The following PSPH variants were observed in gnomAD, a reference collection of about 807,000 sequenced individuals.
PSPH encodes the protein phosphoserine phosphatase, also known as L-3-phosphoserine phosphatase.
A neutral mutation model predicts 23.4 loss-of-function variants in PSPH; 16 were observed. The ratio of observed to expected loss-of-function variants is 0.68; its 90% CI spans 0.46 to 1.04. The LOEUF (loss-of-function observed/expected upper bound fraction) is 1.04. PSPH is among the 50% of genes least tolerant of loss of function. The probability of loss-of-function intolerance (pLI) is 0.00; values close to 1 mark genes in which losing one functional copy is unlikely to be tolerated. For missense variants in PSPH, 223 were observed against 273.7 expected, an observed-to-expected ratio of 0.81 and a Z score of 1.31; for synonymous variants, 68 against 99.7, an observed-to-expected ratio of 0.68 and a Z score of 1.89.
intron 7 of PSPH, among the ~76,000 whole-genome samples, chr7:56,012,216 G>A (rs1379760177): frequency 6.6e-6 from 1 of 151,658 alleles, no homozygotes; most frequent in Non-Finnish European, 1.5e-5. Context: ...TCTTGAGACA[G>A]AGTCTCACCC....
rs374776295 is a variant in PSPH at position 56,015,152 on chromosome 7, A to G, written c.441T>C (p.Asp147=). 2.5e-5 allele frequency: 40 copies of G among 1,613,948 alleles called. 1 individual carries two copies. In the East Asian group the frequency reaches 5.3e-4, roughly 22 times the overall value. Residue 147 remains aspartate, a synonymous_variant, in exon 7 of 8, where the codon GAT becomes GAC. Transcript: ENST00000275605. ...FYFNGEYAGF[D]ETQPTAESGG... ...CAGATTCAGCTGTTGGCTGCGTCTC[A>G]TCAAAACCTGCATATTCACCTTAAA...
At chr7:56,032,915 C>A (rs1400006604) in intron 2 of PSPH, among the ~76,000 whole-genome samples, 3 of 150,086 alleles carry the variant, frequency 2.0e-5, no homozygotes. Context: ...CCGCTGCACT[C>A]TAGCCTGGGT....
intron 1 of PSPH, among the ~76,000 whole-genome samples, chr7:56,048,270 A>G (rs1264184189): frequency 6.9e-6 from 1 of 144,876 alleles, no homozygotes; most frequent in Non-Finnish European, 1.5e-5. Flanking sequence ...AAAGAGCAAC[A>G]CTCTGTCTTT....
At chr7:56,047,697 C>T (rs1379616944) in intron 1 of PSPH, among the ~76,000 whole-genome samples, 3 of 149,282 alleles carry the variant, frequency 2.0e-5, no homozygotes, top group African/African-American at 4.9e-5. Flanking sequence ...ATAAGAGCCT[C>T]GCTCTGTCAC....
chr7:56,031,041 C>A (rs1193668348), intron 3 of PSPH, among the ~76,000 whole-genome samples: 1 of 150,520 alleles, frequency 6.6e-6, no homozygotes, highest in Non-Finnish European at 1.5e-5. Flanking sequence ...GAAACCCCGT[C>A]TCTACTAAAA....
chr7:56,022,785 G>A (rs1306262906), intron 3 of PSPH, among the ~76,000 whole-genome samples: 5 of 152,170 alleles, frequency 3.3e-5, no homozygotes, highest in African/African-American at 9.6e-5. Context: ...GAGGCTGGGC[G>A]CGGTGGCTCA....
chr7:56,021,056 A>G lies in PSPH; in HGVS notation c.140+17T>C. On this transcript the variant is annotated intron_variant, in intron 4 of 7. Transcript: ENST00000275605. ...AAGTCTTTATCATTTCATAAAGTGA[A>G]TAAATGCTATCCCTACATTTCTGAC... is the stretch of plus-strand genomic sequence containing the variant. 6.2e-7 allele frequency: 1 copy of G among 1,607,896 alleles called. No individual in the cohort carries two copies. Among genetic ancestry groups the G allele is most frequent in the Non-Finnish European group, 8.5e-7 (1 of 1,179,102 alleles).
chr7:56,017,580 C>T (rs1350318771), intron 5 of PSPH, among the ~76,000 whole-genome samples: 1 of 151,616 alleles, frequency 6.6e-6, no homozygotes, highest in Non-Finnish European at 1.5e-5. Context: ...GATGGAGTCT[C>T]GCTCTGTCGC....
chr7:56,038,756 G>A (rs555157749), intron 1 of PSPH, among the ~76,000 whole-genome samples: 143 of 152,056 alleles, frequency 9.4e-4, no homozygotes, highest in African/African-American at 3.4e-3. Flanking sequence ...TGAGGTGGGA[G>A]GATGGCTTGA....
chr7:56,048,290 GAAA>G (rs34876866), intron 1 of PSPH, among the ~76,000 whole-genome samples: 1 of 130,134 alleles, frequency 7.7e-6, no homozygotes, highest in Non-Finnish European at 1.6e-5. Flanking sequence ...TAAAAAATTT[GAAA>G]AAAAAAAAAA....
At chr7:56,026,928 C>A (rs10259981) in intron 3 of PSPH, among the ~76,000 whole-genome samples, 3 of 151,696 alleles carry the variant, frequency 2.0e-5, no homozygotes, top group African/African-American at 7.3e-5. Context: ...TGAGAAGGCC[C>A]GGCACGGTGG....
chr7:56,044,258 T>C (rs2117156275), intron 1 of PSPH, among the ~76,000 whole-genome samples: 1 of 152,258 alleles, frequency 6.6e-6, no homozygotes, highest in East Asian at 1.9e-4. Context: ...GGGAATATTT[T>C]TCTTGAGGAC....
chr7:56,045,901 A>AAG (rs1562833707), intron 1 of PSPH, among the ~76,000 whole-genome samples: 2 of 151,322 alleles, frequency 1.3e-5, no homozygotes, highest in Admixed American at 6.6e-5. Flanking sequence ...AAAAAAAAAA[A>AAG]AAAGAAAGAA....
At chr7:56,050,584 T>TA (rs1793897117) in intron 1 of PSPH, among the ~76,000 whole-genome samples, 1 of 152,142 alleles carries the variant, frequency 6.6e-6, no homozygotes, top group Admixed American at 6.6e-5. Context: ...GAGTCATTCT[T>TA]ACAAAGAACA....
At chr7:56,021,785 T>C (rs112134014) in intron 3 of PSPH, among the ~76,000 whole-genome samples, 3 of 149,868 alleles carry the variant, frequency 2.0e-5, no homozygotes, top group African/African-American at 7.3e-5. Flanking sequence ...CTGTCTCTAC[T>C]AAAAATATAA....
chr7:56,024,194 C>T (rs1042521772), intron 3 of PSPH, among the ~76,000 whole-genome samples: 8 of 151,682 alleles, frequency 5.3e-5, no homozygotes, highest in African/African-American at 1.9e-4. Flanking sequence ...GGATTACAAG[C>T]GTGAGCCACC....
intron 1 of PSPH, among the ~76,000 whole-genome samples, chr7:56,035,758 T>C (rs2116992958): frequency 6.6e-6 from 1 of 152,084 alleles, no homozygotes; most frequent in Non-Finnish European, 1.5e-5. Flanking sequence ...TAGCTGGGAT[T>C]ACAAGCGCAC....
At chr7:56,036,131 G>A (rs1162843853) in intron 1 of PSPH, among the ~76,000 whole-genome samples, 1 of 151,978 alleles carries the variant, frequency 6.6e-6, no homozygotes, top group Non-Finnish European at 1.5e-5. Context: ...GGAGGCTGAG[G>A]CAGAAGAATC....
intron 3 of PSPH, 45 bp from the exon 4 acceptor site, chr7:56,021,276 T>C (rs1789374602): frequency 1.3e-6 from 2 of 1,556,054 alleles, no homozygotes; most frequent in Non-Finnish European, 1.8e-6. Context: ...CAAATAAAAT[T>C]ATGAAAAGAT....
Sources: allele counts gnomAD v4.1 joint callset (sites outside exome capture counted in the v4.1 genomes callset), GRCh38; gene constraint gnomAD v4.1.1; transcripts MANE v1.5; gene names NCBI Gene and HGNC (gene_info 2026-07-23, HGNC 2026-07-21).